The following TTC7B variants were observed in gnomAD, a reference collection of about 807,000 sequenced individuals.
The protein encoded by TTC7B is tetratricopeptide repeat domain 7B.
TTC7B carries 28 observed loss-of-function variants against 106.8 expected under a neutral mutation model. The observed-to-expected ratio is 0.26, with a 90% CI of 0.19 to 0.36. The LOEUF is 0.36. Ranked by LOEUF, TTC7B falls within the 10% of genes least tolerant of loss-of-function variation. TTC7B has a pLI of 1.00. For synonymous variants in TTC7B, 405 were observed against 430.6 expected (o/e 0.94, Z 0.74); for missense variants, 862 against 1,076.4 (o/e 0.80, Z 2.79).
intron 1 of TTC7B, among the ~76,000 whole-genome samples, chr14:90,794,248 C>A (rs1891697096): frequency 8.1e-6 from 1 of 122,824 alleles, no homozygotes; most frequent in African/African-American, 3.4e-5. Flanking sequence ...GAGACGGAGT[C>A]TCGCTCTGTC....
chr14:90,658,441 C>A (rs963137857), intron 9 of TTC7B, 54 bp from the exon 10 acceptor site: 5 of 1,502,738 alleles, frequency 3.3e-6, no homozygotes, highest in South Asian at 1.1e-5. Context: ...GGTGCCACAA[C>A]TGCACAAGTG....
chr14:90,569,835 G>A (rs1055880951), intron 19 of TTC7B: 2 of 152,372 alleles, frequency 1.3e-5, no homozygotes, highest in African/African-American at 4.8e-5. Flanking sequence ...TTGCCCATGT[G>A]GACAGAGAGC....
intron 3 of TTC7B, among the ~76,000 whole-genome samples, chr14:90,768,373 A>T (rs142975157): frequency 6.6e-6 from 1 of 152,244 alleles, no homozygotes; most frequent in African/African-American, 2.4e-5. Flanking sequence ...AGAGAGAGAG[A>T]GTGAAGGAGA....
At chr14:90,769,984 A>T (rs1691689914) in intron 3 of TTC7B, among the ~76,000 whole-genome samples, 1 of 151,976 alleles carries the variant, frequency 6.6e-6, no homozygotes, top group South Asian at 2.1e-4. Flanking sequence ...CCCCATCTCT[A>T]CAAAAAATAA....
Position 90,663,448 on chromosome 14 carries a change from T to TA in TTC7B, c.1153-5062_1153-5061insT, listed in dbSNP as rs1886284929. Among the ~76,000 whole-genome samples, 1 of 136,976 alleles carries TA rather than the reference T, an allele frequency of 7.3e-6. No homozygotes were observed. The highest frequency in any genetic ancestry group is 2.9e-5 in the African/African-American group (1 of 34,456). The allele number at this position is 136,976 out of a possible 152,430, so 89.9% of individuals were successfully genotyped here. Reference sequence around the variant, plus strand: ...GAACTGTTTCAGAGACTCAGCGATATGGTTTTTTTTTTGCTGCTAATGGGG... The same window carrying TA: ...GAACTGTTTCAGAGACTCAGCGATATAGGTTTTTTTTTTGCTGCTAATGGGG... On this transcript the variant is annotated intron_variant, in intron 9 of 19. Coordinates refer to ENST00000328459, the MANE Select transcript of TTC7B (RefSeq NM_001010854.2). This position sits in a 1 kb window ranked among gnomAD's most constrained non-coding sequence, Gnocchi z 4.5.
At chr14:90,545,521 G>T (rs1156761614) in intron 19 of TTC7B, among the ~76,000 whole-genome samples, 1 of 152,190 alleles carries the variant, frequency 6.6e-6, no homozygotes, top group African/African-American at 2.4e-5. Context: ...CTTGAGGCTT[G>T]GGAAGGCTGC....
At chr14:90,557,952 G>A (rs1344364352) in intron 19 of TTC7B, among the ~76,000 whole-genome samples, 4 of 152,368 alleles carry the variant, frequency 2.6e-5, no homozygotes, top group African/African-American at 9.6e-5. Flanking sequence ...GGCGCTCATC[G>A]CTGCATCTCC....
intron 15 of TTC7B, among the ~76,000 whole-genome samples, chr14:90,623,685 G>C (rs930380974): frequency 1.3e-5 from 2 of 152,242 alleles, no homozygotes; most frequent in South Asian, 2.1e-4. Context: ...TGGGCTACCA[G>C]GGTGTTGCTC....
At chr14:90,576,284 G>C (rs182882860) in intron 19 of TTC7B, among the ~76,000 whole-genome samples, 1 of 152,174 alleles carries the variant, frequency 6.6e-6, no homozygotes, top group Admixed American at 6.5e-5. Context: ...AAAGCACAGA[G>C]ATCTGACAAG....
chr14:90,793,859 C>T (rs1249171437), intron 1 of TTC7B, among the ~76,000 whole-genome samples: 2 of 151,568 alleles, frequency 1.3e-5, no homozygotes, highest in South Asian at 2.1e-4. Flanking sequence ...CCGCCCGCCT[C>T]GGCCTCCCAA....
chr14:90,604,230 A>T (rs1289699479), intron 17 of TTC7B, among the ~76,000 whole-genome samples: 1 of 152,224 alleles, frequency 6.6e-6, no homozygotes, highest in Non-Finnish European at 1.5e-5. Flanking sequence ...CAGACAATAA[A>T]CTCATCAAAA....
intron 19 of TTC7B, among the ~76,000 whole-genome samples, chr14:90,554,390 C>T (rs948129162): frequency 3.9e-5 from 6 of 152,198 alleles, no homozygotes; most frequent in African/African-American, 1.2e-4. Context: ...GCCAAGAGCA[C>T]GGACGTGAGT....
At position 90,808,529 on chromosome 14, in the gene TTC7B, C is replaced by T. The variant is rs2030726924; in HGVS notation, c.121+7646G>A. On this transcript the variant is annotated intron_variant, in intron 1 of 19. Coordinates refer to ENST00000328459, the MANE Select transcript of TTC7B (RefSeq NM_001010854.2). This position sits in a 1 kb window ranked among gnomAD's most constrained non-coding sequence, Gnocchi z 4.2. ...GTTCTGGTGCTGCCACCACTAGCCA[C>T]ACTTGATGAGCAGGGACAGACAAAT... 6.6e-6 allele frequency among the ~76,000 whole-genome samples: 1 copy of T among 152,228 alleles called. No individual in the cohort carries two copies. Among genetic ancestry groups the T allele is most frequent in the African/African-American group, 2.4e-5 (1 of 41,456 alleles).
At chr14:90,737,546 G>GTTTTTT (rs71461922) in intron 4 of TTC7B, among the ~76,000 whole-genome samples, 226 of 91,750 alleles carry the variant, frequency 2.5e-3, no homozygotes, top group Non-Finnish European at 3.1e-3. Flanking sequence ...GTATGATTCT[G>GTTTTTT]TTTTTTTTTT....
At chr14:90,607,899 AG>A (rs1174844588) in intron 17 of TTC7B, among the ~76,000 whole-genome samples, 1 of 152,244 alleles carries the variant, frequency 6.6e-6, no homozygotes, top group East Asian at 1.9e-4. Flanking sequence ...AAATACTGGA[AG>A]GGTAAACAAA....
rs34296215 is a variant in TTC7B, at chr14:90,780,470, A to AAAAG, written c.445+264_445+267dup. On this transcript the variant is annotated intron_variant, in intron 3 of 19. Coordinates refer to ENST00000328459, the MANE Select transcript of TTC7B (RefSeq NM_001010854.2). Reference sequence around the variant, plus strand: ...AGGAAAGAAAAGAAAGAAAGAAAGAAAAAGAAAGAAAGAAAGAAAGGAAAG... The same window carrying AAAAG: ...AGGAAAGAAAAGAAAGAAAGAAAGAAAAAGAAAGAAAGAAAGAAAGAAAGGAAAG... 3.0e-3 allele frequency among the ~76,000 whole-genome samples: 443 copies of AAAAG among 146,462 alleles called. 5 individuals carry two copies. Among genetic ancestry groups the AAAAG allele is most frequent in the African/African-American group, 8.4e-3 (321 of 38,034 alleles).
At chr14:90,673,073 T>TCC in intron 9 of TTC7B, among the ~76,000 whole-genome samples, 1 of 152,156 alleles carries the variant, frequency 6.6e-6, no homozygotes, top group Non-Finnish European at 1.5e-5. Context: ...CTAGAGCCTG[T>TCC]GACACACTAT....
intron 5 of TTC7B, among the ~76,000 whole-genome samples, chr14:90,707,712 C>G (rs1286711722): frequency 6.6e-6 from 1 of 152,164 alleles, no homozygotes; most frequent in Non-Finnish European, 1.5e-5. Flanking sequence ...TCCCTTAAAC[C>G]AAAGCCTAAT....
intron 15 of TTC7B, among the ~76,000 whole-genome samples, chr14:90,625,035 G>T (rs546830881): frequency 2.6e-5 from 4 of 152,338 alleles, no homozygotes; most frequent in Non-Finnish European, 5.9e-5. Flanking sequence ...CCAGATCGGG[G>T]GAGCTGGAGT....
Sources: gnomAD v4.1 joint callset for allele counts (sites outside exome capture counted in the v4.1 genomes callset) on GRCh38, gnomAD v4.1.1 for gene constraint, Gnocchi (gnomAD v3.1) non-coding constraint, MANE v1.5 for transcripts, NCBI Gene and HGNC (gene_info 2026-07-23, HGNC 2026-07-21) for gene names.